TAF4: variants seen among roughly 807,000 people sequenced by gnomAD.
The protein encoded by TAF4 is TATA-box binding protein associated factor 4, also known as transcription initiation factor TFIID subunit 4.
Under a neutral mutation model 90.3 loss-of-function variants are expected in TAF4, and 9 were observed. The observed-to-expected ratio is 0.10, with a 90% CI of 0.06 to 0.17. The LOEUF (loss-of-function observed/expected upper bound fraction) is 0.17, where lower values mean the gene tolerates loss of function less well. Ranked by LOEUF, TAF4 falls within the 10% of genes least tolerant of loss-of-function variation. The pLI is 1.00. For synonymous variants in TAF4, 818 were observed against 638.9 expected (o/e 1.28, Z -4.23); for missense variants, 1,351 against 1,370.7 (o/e 0.99, Z 0.23).
In TAF4 at chr20:62,065,594, C is replaced by A. The variant is rs1211625551; in HGVS notation, c.217G>T (p.Ala73Ser). ...VSGSPAGAAG[A>S]GPAAPAEGAP... ...CCCTCGGCGGGGGCGGCCGGCCCTGCGCCCGCGGCTCCGGCCGGGCTGCCG... is the reference window on the plus strand; with the variant it reads ...CCCTCGGCGGGGGCGGCCGGCCCTGAGCCCGCGGCTCCGGCCGGGCTGCCG... Residue 73 changes from alanine (A) to serine (S), a missense_variant, in exon 1 of 15, where the codon GCA becomes TCA. Ala to Ser is a moderately conservative substitution (Grantham distance 99). Coordinates refer to ENST00000252996, the MANE Select transcript of TAF4 (RefSeq NM_003185.4). 9.1e-6 allele frequency: 9 copies of A among 984,136 alleles called. No individual in the cohort carries two copies. Among genetic ancestry groups the A allele is most frequent in the African/African-American group, 1.8e-5 (1 of 55,622 alleles). 61.0% of individuals were successfully genotyped at this position (984,136 alleles called of 1,614,324 possible).
intron 5 of TAF4, 132 bp from the exon 6 acceptor site, chr20:62,007,768 AGTCTGCGTGCTACACCTTTCACAG>A: frequency 1.2e-6 from 1 of 820,926 alleles, no homozygotes; most frequent in Non-Finnish European, 1.9e-6. Flanking sequence ...GAGATGGGAA[AGTCTGCGTGCTACACCTTTCACAG>A]GTACATGTGT....
chr20:61,985,670 T>G (rs62207108), intron 14 of TAF4, among the ~76,000 whole-genome samples: 14,507 of 150,834 alleles, frequency 0.096, 1,185 homozygotes, highest in East Asian at 0.44. Flanking sequence ...CAGGTTCCCA[T>G]GTAAGGCACG....
intron 1 of TAF4, among the ~76,000 whole-genome samples, chr20:62,024,701 T>G (rs1367163560): frequency 6.6e-6 from 1 of 152,042 alleles, no homozygotes; most frequent in East Asian, 1.9e-4. Flanking sequence ...AAACCCCATC[T>G]CTACTAAAAA....
intron 1 of TAF4, among the ~76,000 whole-genome samples, chr20:62,028,509 T>C (rs1240156487): frequency 1.3e-5 from 2 of 152,138 alleles, no homozygotes; most frequent in Admixed American, 6.5e-5. Flanking sequence ...CACAGGGAAC[T>C]TGTATGTGCG....
intron 8 of TAF4, 94 bp downstream of exon 8, chr20:62,003,637 T>C: frequency 1.4e-6 from 2 of 1,407,102 alleles, no homozygotes; most frequent in East Asian, 2.5e-5. Context: ...TTTATGTAAA[T>C]GTACATTTTA....
At chr20:61,978,769 GGGCCC>G (rs748498244) in intron 14 of TAF4, among the ~76,000 whole-genome samples, 61 of 152,342 alleles carry the variant, frequency 4.0e-4, no homozygotes, top group Non-Finnish European at 6.6e-4. Flanking sequence ...GCCACCCCCA[GGGCCC>G]AGCACGCTGA....
intron 14 of TAF4, among the ~76,000 whole-genome samples, chr20:61,992,033 G>A (rs542816469): frequency 4.6e-5 from 7 of 152,302 alleles, no homozygotes; most frequent in African/African-American, 1.7e-4. Context: ...CAGGTACAAA[G>A]GGCACAAACT....
At chr20:62,037,872 C>T (rs774741101) in intron 1 of TAF4, 17 of 231,180 alleles carry the variant, frequency 7.4e-5, no homozygotes, top group East Asian at 4.2e-4. Context: ...GTTTCACGAG[C>T]GTTCTTAAAG....
chr20:62,022,742 G>C (rs1477656190), intron 1 of TAF4, among the ~76,000 whole-genome samples: 4 of 152,222 alleles, frequency 2.6e-5, no homozygotes, highest in Non-Finnish European at 5.9e-5. Flanking sequence ...AGGCATAAGG[G>C]ACGGCGCAAA....
At chr20:62,060,691 G>A (rs971497400) in intron 1 of TAF4, among the ~76,000 whole-genome samples, 1 of 152,300 alleles carries the variant, frequency 6.6e-6, no homozygotes, top group Middle Eastern at 3.4e-3. Flanking sequence ...TATGTCAAAA[G>A]AAACACCAGA....
chr20:62,022,205 G>C (rs948961488), intron 1 of TAF4, among the ~76,000 whole-genome samples: 1 of 152,204 alleles, frequency 6.6e-6, no homozygotes. Context: ...TTCTGTCCAG[G>C]AAAACGCAGA....
chr20:62,051,692 C>A (rs1231229118), intron 1 of TAF4, among the ~76,000 whole-genome samples: 2 of 152,140 alleles, frequency 1.3e-5, no homozygotes, highest in African/African-American at 2.4e-5. Flanking sequence ...TCCCCACAGT[C>A]CCTCCTCTGA....
At chr20:61,986,027 A>C (rs1217601810) in intron 14 of TAF4, among the ~76,000 whole-genome samples, 1 of 136,360 alleles carries the variant, frequency 7.3e-6, no homozygotes, top group African/African-American at 2.7e-5. Context: ...ATCCCCCATC[A>C]AAGGAAACAC....
chr20:62,065,864 G>C lies in TAF4; in HGVS notation c.-54C>G, dbSNP rs1285262379. 6.8e-6 allele frequency: 8 copies of C among 1,184,572 alleles called. No individual in the cohort carries two copies. The highest frequency in any genetic ancestry group is 8.5e-6 in the Non-Finnish European group (8 of 936,786). 73.4% of individuals were successfully genotyped at this position (1,184,572 alleles called of 1,614,324 possible). On this transcript the variant is annotated 5_prime_UTR_variant, in exon 1 of 15. Coordinates refer to ENST00000252996, the MANE Select transcript of TAF4 (RefSeq NM_003185.4). ...CCGCTCGGGCCGAGCGCGCCTGGGC[G>C]AGGAGGAGGTTCCGACTGGGGCGGG...
chr20:61,987,262 C>A (rs896745965), intron 14 of TAF4, among the ~76,000 whole-genome samples: 8 of 152,078 alleles, frequency 5.3e-5, no homozygotes. Context: ...CTCTCCAGCA[C>A]GTCAAGGCCA....
At chr20:62,007,137 C>T (rs983692443) in intron 6 of TAF4, 5 of 267,398 alleles carry the variant, frequency 1.9e-5, no homozygotes, top group Non-Finnish European at 3.5e-5. Context: ...AACAAAACAT[C>T]ACATACACCT....
chr20:62,040,040 C>G (rs954849105), intron 1 of TAF4, among the ~76,000 whole-genome samples: 1 of 152,202 alleles, frequency 6.6e-6, no homozygotes, highest in Non-Finnish European at 1.5e-5. Context: ...TGGTGAGACA[C>G]AATGCAAAAC....
chr20:61,985,363 G>A (rs911256163), intron 14 of TAF4, among the ~76,000 whole-genome samples: 1 of 151,950 alleles, frequency 6.6e-6, no homozygotes, highest in African/African-American at 2.4e-5. Flanking sequence ...AGGATTGCTG[G>A]AGTCTAGGAG....
At chr20:61,987,191 A>AACTGGTG (rs2055598129) in intron 14 of TAF4, among the ~76,000 whole-genome samples, 2 of 152,214 alleles carry the variant, frequency 1.3e-5, no homozygotes, top group South Asian at 4.1e-4. Flanking sequence ...CCTGGACGTC[A>AACTGGTG]TCACGAGGAG....
Sources: gnomAD v4.1 joint callset for allele counts (sites outside exome capture counted in the v4.1 genomes callset) on GRCh38, gnomAD v4.1.1 for gene constraint, MANE v1.5 for transcripts, NCBI Gene and HGNC (gene_info 2026-07-23, HGNC 2026-07-21) for gene names.